The following RUFY4 variants were observed in gnomAD, a reference collection of about 807,000 sequenced individuals.
RUFY4 encodes RUN and FYVE domain-containing protein 4.
A neutral mutation model predicts 69.0 loss-of-function variants in RUFY4; 73 were observed. The ratio of observed to expected loss-of-function variants is 1.06; its 90% CI spans 0.88 to 1.29. RUFY4 has a LOEUF of 1.29. Ranked by LOEUF, RUFY4 falls within the 50% of genes most tolerant of loss-of-function variation. The probability of loss-of-function intolerance (pLI) is 0.00; values close to 1 mark genes in which losing one functional copy is unlikely to be tolerated. For synonymous variants in RUFY4, 287 were observed against 271.8 expected (o/e 1.06, Z -0.55); for missense variants, 770 against 705.6 (o/e 1.09, Z -1.03).
rs78810874 is a variant in RUFY4 at position 218,085,401 on chromosome 2, G to C, written c.1502+2145G>C. On this transcript the variant is annotated intron_variant, in intron 9 of 10. Transcript: ENST00000344321. ...AATAGCCACCAAGGTTGACTTCTGC[G>C]TCGGGATGGTGGACTGCCCACATCT... is the stretch of plus-strand genomic sequence containing the variant. Among the ~76,000 whole-genome samples, 5 of 152,264 alleles carry C rather than the reference G, an allele frequency of 3.3e-5. No individual in the cohort carries two copies. The South Asian group carries it at 6.2e-4, about 19-fold the overall frequency.
At chr2:218,069,326 C>T (rs1689423876), upstream of RUFY4, 1 of 152,394 alleles carries the variant, frequency 6.6e-6, no homozygotes, top group East Asian at 1.9e-4. Context: ...GCTCTCGTGC[C>T]CCAGCCAGCC....
At position 218,075,520 on chromosome 2, in the gene RUFY4, A is replaced by T. The variant is rs149776334; in HGVS notation, c.1028A>T (p.Gln343Leu). The change falls in exon 7 of 11, where the codon CAG (glutamine) becomes CTG (leucine). Residue 343 changes from glutamine to leucine, a missense_variant. Gln to Leu is a moderately radical substitution (Grantham distance 113). Transcript: ENST00000344321. ...AAGGAAGCAGAGTGGAGTCACGTCC[A>T]GAGGCTGCTGATGCCCAGCCCCAGA... is the stretch of plus-strand genomic sequence containing the variant. 405 of 1,560,464 alleles carry T rather than the reference A, an allele frequency of 2.6e-4. 1 individual carries two copies. The African/African-American group carries it at 4.8e-3, about 19-fold the overall frequency.
intron 3 of RUFY4, chr2:218,060,196 G>C (rs1689148851): frequency 1.5e-6 from 1 of 687,924 alleles, no homozygotes. Flanking sequence ...AAACTAGTAA[G>C]AACGTGGCCT....
chr2:218,062,440 T>C (rs1287032341), intron 3 of RUFY4, among the ~76,000 whole-genome samples: 1 of 143,524 alleles, frequency 7.0e-6, no homozygotes, highest in Admixed American at 7.0e-5. Context: ...TGGCCGGGCA[T>C]GGTGGCTCAT....
rs564910044 is a variant in RUFY4, at chr2:218,061,239, A to G, written c.-1071+2558A>G. ...CAGGGAGTTTCACATCACGTTCAGT[A>G]GAAACATCAGGGCATAGATGATGAT... On this transcript the variant is annotated intron_variant and NMD_transcript_variant, in intron 3 of 13. Transcript: ENST00000457754. 1.0e-3 allele frequency: 389 copies of G among 372,020 alleles called. 6 individuals carry two copies. Among genetic ancestry groups the G allele is most frequent in the Middle Eastern group, 0.01 (10 of 984 alleles). The allele number at this position is 372,020 out of a possible 1,614,324, so 23.0% of individuals were successfully genotyped here. A position where few individuals can be genotyped will look rare whatever the true frequency, so the allele number is the denominator to read the frequency against.
chr2:218,065,226 C>T (rs1689295803), upstream of RUFY4, among the ~76,000 whole-genome samples: 1 of 152,180 alleles, frequency 6.6e-6, no homozygotes, highest in Non-Finnish European at 1.5e-5. Context: ...CCCTGGCCCA[C>T]TGCAGGCAGG....
In RUFY4 at chr2:218,045,808, A is replaced by ATT. The variant is rs35070780; in HGVS notation, c.-1158+10427_-1158+10428dup. On this transcript the variant is annotated intron_variant and NMD_transcript_variant, in intron 2 of 13. Transcript: ENST00000457754. ...ATACATATTTATGGGGTACATAGTG[A>ATT]TTTTTTTTTTTTTTGAGGCGGAGTC... 9.1e-4 allele frequency among the ~76,000 whole-genome samples: 133 copies of ATT among 146,620 alleles called. 1 individual carries two copies. The highest frequency in any genetic ancestry group is 3.6e-3 in the Admixed American group (54 of 14,814).
chr2:218,085,923 C>A (rs1037341367), intron 9 of RUFY4, among the ~76,000 whole-genome samples: 5 of 152,110 alleles, frequency 3.3e-5, no homozygotes, highest in African/African-American at 1.2e-4. Context: ...CTTTCTTACA[C>A]ATAAAATGAC....
At chr2:218,067,456 G>A (rs564473328), upstream of RUFY4, among the ~76,000 whole-genome samples, 1 of 152,324 alleles carries the variant, frequency 6.6e-6, no homozygotes, top group East Asian at 1.9e-4. Flanking sequence ...CCCCAAGAAC[G>A]AGGGTATCAC....
At chr2:218,073,728 C>T in intron 5 of RUFY4, 88 bp from the exon 8 acceptor site, 17 of 1,405,744 alleles carry the variant, frequency 1.2e-5, no homozygotes, top group Non-Finnish European at 1.7e-5. Flanking sequence ...GATGAATGCG[C>T]TAGTGGAAAG....
intron 2 of RUFY4, among the ~76,000 whole-genome samples, chr2:218,042,220 G>A (rs1321852317): frequency 6.6e-6 from 1 of 152,202 alleles, no homozygotes; most frequent in East Asian, 1.9e-4. Flanking sequence ...CTGGAGCAAA[G>A]TTTCCAGAAT....
intron 2 of RUFY4, among the ~76,000 whole-genome samples, chr2:218,056,326 C>G (rs998435381): frequency 6.6e-6 from 1 of 151,796 alleles, no homozygotes; most frequent in East Asian, 1.9e-4. Flanking sequence ...AATGTTAGCC[C>G]CACACTTCAA....
chr2:218,059,769 G>A lies in RUFY4; in HGVS notation c.-1071+1088G>A, dbSNP rs547132578. ...TCTGCCTTTTGGGTCTTATGAATAA[G>A]CAGCTATGAATATTGGTGTACAAAT... On this transcript the variant is annotated intron_variant and NMD_transcript_variant, in intron 3 of 13. Transcript: ENST00000457754. 1.8e-5 allele frequency: 3 copies of A among 166,644 alleles called. No homozygotes were observed. The South Asian group carries it at 6.2e-4, about 35-fold the overall frequency. 10.3% of individuals were successfully genotyped at this position (166,644 alleles called of 1,614,324 possible).
intron 3 of RUFY4, chr2:218,060,147 G>A: frequency 2.1e-6 from 1 of 467,346 alleles, no homozygotes; most frequent in Non-Finnish European, 3.9e-6. Flanking sequence ...TATGGCAAGG[G>A]GTGAGGTACC....
At chr2:218,039,390 C>T (rs1353213505) in intron 2 of RUFY4, among the ~76,000 whole-genome samples, 1 of 152,174 alleles carries the variant, frequency 6.6e-6, no homozygotes, top group African/African-American at 2.4e-5. Context: ...GGTGGTGACA[C>T]ATGGTCCATG....
intron 8 of RUFY4, among the ~76,000 whole-genome samples, chr2:218,077,224 C>T (rs546907320): frequency 4.2e-5 from 6 of 143,702 alleles, no homozygotes; most frequent in Admixed American, 1.4e-4. Flanking sequence ...CGAGTGCCTG[C>T]ACTTCAGTCT....
upstream of RUFY4, chr2:218,069,331 C>A (rs1366533440): frequency 6.6e-6 from 1 of 152,290 alleles, no homozygotes; most frequent in Non-Finnish European, 1.5e-5. Context: ...CGTGCCCCAG[C>A]CAGCCAGGCT....
intron 2 of RUFY4, among the ~76,000 whole-genome samples, chr2:218,037,257 T>G (rs1958992785): frequency 6.6e-6 from 1 of 151,814 alleles, no homozygotes; most frequent in Admixed American, 6.6e-5. Flanking sequence ...GAGGCGGAGG[T>G]TGCAGTGAGT....
At chr2:218,043,626 T>C (rs1688752955) in intron 2 of RUFY4, among the ~76,000 whole-genome samples, 1 of 152,208 alleles carries the variant, frequency 6.6e-6, no homozygotes, top group South Asian at 2.1e-4. Context: ...GTCTGGGGTA[T>C]GCATTGTCTT....
Sources: allele counts gnomAD v4.1 joint callset (sites outside exome capture counted in the v4.1 genomes callset), GRCh38; gene constraint gnomAD v4.1.1; transcripts MANE v1.5; gene names NCBI Gene and HGNC (gene_info 2026-07-23, HGNC 2026-07-21).